ABR: variants seen among roughly 807,000 people sequenced by gnomAD.
ABR encodes the protein active breakpoint cluster region-related protein.
Under a neutral mutation model 107.2 loss-of-function variants are expected in ABR, and 35 were observed. The observed-to-expected ratio is 0.33, with a 90% CI of 0.25 to 0.43. The LOEUF (loss-of-function observed/expected upper bound fraction) is 0.43. Among genes scored for constraint, ABR ranks in the 20% least tolerant of loss-of-function variants. The pLI, the probability that ABR is intolerant of heterozygous loss-of-function variation, is 1.00. For synonymous variants in ABR, 498 were observed against 462.0 expected, an observed-to-expected ratio of 1.08 and a Z score of -1.00; for missense variants, 815 against 1,115.2, an observed-to-expected ratio of 0.73 and a Z score of 3.83.
chr17:1,204,901 C>CTTTTTTTTTTTTTTT (rs869034249), intron 1 of ABR, among the ~76,000 whole-genome samples: 1 of 32,138 alleles, frequency 3.1e-5, no homozygotes. Flanking sequence ...TTTTCTTTTT[C>CTTTTTTTTTTTTTTT]TTTTTTTTTT....
intron 16 of ABR, among the ~76,000 whole-genome samples, chr17:1,049,275 C>G (rs1261240570): frequency 1.3e-5 from 2 of 152,168 alleles, no homozygotes; most frequent in African/African-American, 2.4e-5. Flanking sequence ...TCAAGCGATT[C>G]TCCTGCCTCA....
At chr17:1,155,643 T>C (rs2041009666) in intron 1 of ABR, among the ~76,000 whole-genome samples, 1 of 152,108 alleles carries the variant, frequency 6.6e-6, no homozygotes. Context: ...ATCTAGACTA[T>C]ATTTTAAAAA....
chr17:1,137,044 C>G (rs2586272), intron 1 of ABR, among the ~76,000 whole-genome samples: 86,755 of 149,756 alleles, frequency 0.58, 25,550 homozygotes, highest in African/African-American at 0.68. Context: ...TCTTCCTTCT[C>G]TCTCTCCCTC....
At chr17:1,199,639 G>A (rs1448710999) in intron 1 of ABR, among the ~76,000 whole-genome samples, 1 of 152,078 alleles carries the variant, frequency 6.6e-6, no homozygotes, top group Non-Finnish European at 1.5e-5. Context: ...AGTAGAGACA[G>A]GGTTTCACCA....
Position 1,179,654 on chromosome 17 carries a change from C to G in ABR, c.61+13G>C. ...CCCGATCCTGGGGTCCCGCCCCCGC[C>G]CGGCACACGTACTGCTGTAGAGGGT... is the stretch of plus-strand genomic sequence containing the variant. On this transcript the variant is annotated intron_variant, in intron 1 of 22. Transcript: ENST00000302538. This position sits in a 1 kb window ranked among gnomAD's most constrained non-coding sequence, Gnocchi z 4.9. 6.5e-7 allele frequency: 1 copy of G among 1,533,524 alleles called. No homozygotes were observed. Among genetic ancestry groups the G allele is most frequent in the Non-Finnish European group, 8.8e-7 (1 of 1,139,132 alleles). 95.0% of individuals were successfully genotyped at this position (1,533,524 alleles called of 1,614,324 possible). A position where few individuals can be genotyped will look rare whatever the true frequency, so the allele number is the denominator to read the frequency against.
intron 7 of ABR, 121 bp downstream of exon 7, chr17:1,073,504 C>T: frequency 1.3e-6 from 1 of 785,560 alleles, no homozygotes; most frequent in Non-Finnish European, 1.8e-6. Flanking sequence ...ATCCTTGGAG[C>T]CTAGGAACCC....
chr17:1,033,610 C>T (rs944578835), intron 16 of ABR, among the ~76,000 whole-genome samples: 6 of 152,206 alleles, frequency 3.9e-5, no homozygotes, highest in African/African-American at 9.6e-5. Flanking sequence ...AACCGGGCCT[C>T]AGTCTTCACT....
intron 10 of ABR, among the ~76,000 whole-genome samples, chr17:1,060,886 G>A (rs2033846625): frequency 6.6e-6 from 1 of 152,104 alleles, no homozygotes; most frequent in Non-Finnish European, 1.5e-5. Context: ...CAGCTACTCA[G>A]GAGGCTGAGG....
intron 10 of ABR, among the ~76,000 whole-genome samples, chr17:1,062,115 C>A (rs910339129): frequency 1.8e-4 from 27 of 152,330 alleles, no homozygotes; most frequent in Middle Eastern, 3.4e-3. Context: ...GGAAAACAGA[C>A]CAAGCTGACC....
upstream of ABR, among the ~76,000 whole-genome samples, chr17:1,180,113 C>G (rs866887244): frequency 6.6e-6 from 1 of 151,094 alleles, no homozygotes; most frequent in South Asian, 2.1e-4. Context: ...CGCAGGACGC[C>G]CCCGGCCGGG....
intron 1 of ABR, among the ~76,000 whole-genome samples, chr17:1,136,060 C>G (rs966532948): frequency 6.6e-6 from 1 of 152,126 alleles, no homozygotes; most frequent in Admixed American, 6.6e-5. Context: ...TAAAGTCACC[C>G]CTGCACTGGC....
chr17:1,162,272 C>T (rs913205159), intron 1 of ABR, among the ~76,000 whole-genome samples: 5 of 152,194 alleles, frequency 3.3e-5, no homozygotes, highest in African/African-American at 1.2e-4. Context: ...TTACAACAGC[C>T]CCAGGACATA....
chr17:1,143,351 G>A (rs1386411309), intron 1 of ABR, among the ~76,000 whole-genome samples: 120 of 2,162 alleles, frequency 0.056, 27 homozygotes, highest in Non-Finnish European at 0.12. Flanking sequence ...TCACTCCTGG[G>A]GGGCAGCTCG....
intron 1 of ABR, among the ~76,000 whole-genome samples, chr17:1,216,532 T>G (rs9890206): frequency 9.9e-5 from 15 of 152,218 alleles, no homozygotes; most frequent in Admixed American, 9.8e-4. Flanking sequence ...TGCCTCCCAT[T>G]CACATTGCCC....
At chr17:1,091,633 G>A (rs1238020832) in intron 4 of ABR, 32 bp downstream of exon 4, 1 of 1,599,740 alleles carries the variant, frequency 6.3e-7, no homozygotes, top group Non-Finnish European at 8.5e-7. Context: ...CTGAGGCCCT[G>A]CGTGAGGACC....
At chr17:1,014,354 T>C (rs200161708) in intron 16 of ABR, among the ~76,000 whole-genome samples, 1 of 127,614 alleles carries the variant, frequency 7.8e-6, no homozygotes, top group Non-Finnish European at 1.7e-5. Context: ...GGCAGGAGAA[T>C]AGCGTGAACC....
chr17:1,169,330 G>A (rs185066515), intron 1 of ABR, among the ~76,000 whole-genome samples: 20 of 152,330 alleles, frequency 1.3e-4, no homozygotes, highest in Non-Finnish European at 2.2e-4. Context: ...ACCTTTCATA[G>A]GTTTACTGTG....
At chr17:1,166,437 T>A (rs1039168983) in intron 1 of ABR, among the ~76,000 whole-genome samples, 1 of 152,062 alleles carries the variant, frequency 6.6e-6, no homozygotes, top group Non-Finnish European at 1.5e-5. Context: ...CACCACACTA[T>A]GAATGGGCGA....
chr17:1,084,928 G>A lies in ABR; in HGVS notation c.532-1301C>T, dbSNP rs2036491574. Reference sequence around the variant, plus strand: ...AGGGATTCTCCTGCCTCAGCCTCCCGAGTAGCTGGCGTTACAGGCGCCCGC... The same window carrying A: ...AGGGATTCTCCTGCCTCAGCCTCCCAAGTAGCTGGCGTTACAGGCGCCCGC... On this transcript the variant is annotated intron_variant, in intron 4 of 22. Transcript: ENST00000302538. The surrounding 1 kb of genome is among the most constrained non-coding windows in gnomAD (Gnocchi z 4.2). Among the ~76,000 whole-genome samples, 2 of 151,956 alleles carry A rather than the reference G, an allele frequency of 1.3e-5. No homozygotes were observed. Among genetic ancestry groups the A allele is most frequent in the Non-Finnish European group, 2.9e-5 (2 of 67,990 alleles).
Sources: allele counts gnomAD v4.1 joint callset (sites outside exome capture counted in the v4.1 genomes callset), GRCh38; gene constraint gnomAD v4.1.1; non-coding constraint Gnocchi (gnomAD v3.1); transcripts MANE v1.5; gene names NCBI Gene and HGNC (gene_info 2026-07-23, HGNC 2026-07-21).